The following ADRA1A variants were observed in gnomAD, a reference collection of about 807,000 sequenced individuals.
The protein encoded by ADRA1A is alpha-1A adrenergic receptor.
A neutral mutation model predicts 29.6 loss-of-function variants in ADRA1A; 31 were observed. That is an observed-to-expected ratio of 1.05 (90% CI 0.79 to 1.41). The LOEUF is 1.41. Among genes scored for constraint, ADRA1A ranks in the 40% most tolerant of loss-of-function variants. The pLI, the probability that ADRA1A is intolerant of heterozygous loss-of-function variation, is 0.00. For missense variants in ADRA1A, 619 were observed against 601.1 expected (o/e 1.03, Z -0.31); for synonymous variants, 311 against 254.3 (o/e 1.22, Z -2.12).
exon 3 of ADRA1A, chr8:26,756,470 C>A: frequency 6.8e-7 from 1 of 1,476,204 alleles, no homozygotes; most frequent in South Asian, 1.3e-5. Flanking sequence ...TTGTATGAAA[C>A]TGATTTACAA....
At chr8:26,786,383 C>T (rs115536695) in intron 2 of ADRA1A, among the ~76,000 whole-genome samples, 3,169 of 151,870 alleles carry the variant, frequency 0.021, 103 homozygotes, top group African/African-American at 0.07. Context: ...TACAGGTGCA[C>T]GCTACTATAG....
At chr8:26,802,820 T>C (rs947749605) in intron 2 of ADRA1A, among the ~76,000 whole-genome samples, 3 of 152,144 alleles carry the variant, frequency 2.0e-5, no homozygotes, top group African/African-American at 7.2e-5. Flanking sequence ...TTGAAAGCAA[T>C]CTAAGTATCC....
In ADRA1A at chr8:26,848,511, G is replaced by A. The variant is rs968097360; in HGVS notation, c.883+15576C>T. ...AAGGCAACCATCTGTGACCTAGCAG[G>A]AGAACCCTCACCAAGAGCCTGACAA... is the stretch of plus-strand genomic sequence containing the variant. On this transcript the variant is annotated intron_variant, in intron 2 of 2. Coordinates refer to ENST00000380573, the MANE Select transcript of ADRA1A (RefSeq NM_000680.4). This position sits in a 1 kb window ranked among gnomAD's most constrained non-coding sequence, Gnocchi z 4.3. Among the ~76,000 whole-genome samples the A allele has an allele frequency of 3.3e-5, 5 of 152,154 alleles. No homozygotes were observed. The highest frequency in any genetic ancestry group is 7.3e-5 in the Non-Finnish European group (5 of 68,034).
chr8:26,771,626 T>A (rs1337924884), intron 2 of ADRA1A, among the ~76,000 whole-genome samples: 1 of 152,218 alleles, frequency 6.6e-6, no homozygotes, highest in Non-Finnish European at 1.5e-5. Flanking sequence ...GATTATCTCC[T>A]CCAATTACTC....
chr8:26,762,252 T>C (rs189294186), downstream of ADRA1A, among the ~76,000 whole-genome samples: 430 of 152,256 alleles, frequency 2.8e-3, 8 homozygotes, highest in Admixed American at 0.023. The surrounding 1 kb of genome is among the most constrained non-coding windows in gnomAD (Gnocchi z 4.0). Context: ...AAAATGTGGC[T>C]GCACGTTGTT....
At chr8:26,801,167 T>G (rs191150393) in intron 2 of ADRA1A, among the ~76,000 whole-genome samples, 26 of 152,208 alleles carry the variant, frequency 1.7e-4, no homozygotes, top group Admixed American at 5.2e-4. Flanking sequence ...CCACAGCTAG[T>G]ATTAAACTGA....
intron 2 of ADRA1A, among the ~76,000 whole-genome samples, chr8:26,782,220 C>G (rs987174332): frequency 6.6e-6 from 1 of 152,224 alleles, no homozygotes; most frequent in Non-Finnish European, 1.5e-5. Flanking sequence ...TCCCCAGCCA[C>G]TTGGGTAAAC....
chr8:26,787,355 TTAA>T lies in ADRA1A; in HGVS notation c.884-16692_884-16690del, dbSNP rs1342545210. Among the ~76,000 whole-genome samples the T allele has an allele frequency of 1.3e-5, 2 of 152,152 alleles. No individual in the cohort carries two copies. On this transcript the variant is annotated intron_variant, in intron 2 of 2. Transcript: ENST00000380573. This position sits in a 1 kb window ranked among gnomAD's most constrained non-coding sequence, Gnocchi z 4.2. ...AATACAAAAATAAAATTCTCGAATGTTAATAATTAGGTTTGTTCAGAATAGACA... is the reference window on the plus strand; with the variant it reads ...AATACAAAAATAAAATTCTCGAATGTTAATTAGGTTTGTTCAGAATAGACA...
intron 2 of ADRA1A, among the ~76,000 whole-genome samples, chr8:26,785,649 C>T (rs1479732212): frequency 6.6e-6 from 1 of 152,112 alleles, no homozygotes; most frequent in Non-Finnish European, 1.5e-5. Flanking sequence ...TGAGTATCTG[C>T]AGCTAGCATT....
intron 2 of ADRA1A, among the ~76,000 whole-genome samples, chr8:26,814,321 C>T (rs1011088902): frequency 2.6e-5 from 4 of 152,076 alleles, no homozygotes; most frequent in Non-Finnish European, 5.9e-5. Flanking sequence ...ATAGATTACT[C>T]CAGCTTGAAA....
chr8:26,786,852 A>G (rs1249603456), intron 2 of ADRA1A, among the ~76,000 whole-genome samples: 2 of 151,910 alleles, frequency 1.3e-5, no homozygotes, highest in East Asian at 1.9e-4. Flanking sequence ...TGTTCAACAT[A>G]TCTCCCTATG....
chr8:26,853,064 C>A (rs1812752212), intron 2 of ADRA1A, among the ~76,000 whole-genome samples: 1 of 151,914 alleles, frequency 6.6e-6, no homozygotes, highest in African/African-American at 2.4e-5. Flanking sequence ...TGATGGATAT[C>A]AATAAAGCAA....
intron 2 of ADRA1A, among the ~76,000 whole-genome samples, chr8:26,845,609 G>A (rs1585820635): frequency 6.6e-6 from 1 of 152,214 alleles, no homozygotes; most frequent in South Asian, 2.1e-4. Context: ...CTGAAAACTG[G>A]TACTCAAACA....
chr8:26,779,828 G>A (rs959335157), intron 2 of ADRA1A, among the ~76,000 whole-genome samples: 12 of 152,132 alleles, frequency 7.9e-5, no homozygotes, highest in South Asian at 2.1e-4. Context: ...GCTGCTGGTC[G>A]CGTCAGAACT....
intron 2 of ADRA1A, among the ~76,000 whole-genome samples, chr8:26,850,305 G>C (rs1812534717): frequency 6.6e-6 from 1 of 151,854 alleles, no homozygotes; most frequent in Non-Finnish European, 1.5e-5. Flanking sequence ...AATAATCAAG[G>C]GGACCTCACG....
intron 2 of ADRA1A, among the ~76,000 whole-genome samples, chr8:26,760,753 G>A (rs1805465737): frequency 6.6e-6 from 1 of 152,110 alleles, no homozygotes; most frequent in Admixed American, 6.6e-5. Flanking sequence ...GCTTCCTCAG[G>A]TGCAAATGTC....
At chr8:26,753,450 AT>A (rs3215080), downstream of ADRA1A, among the ~76,000 whole-genome samples, 114,320 of 151,600 alleles carry the variant, frequency 0.75, 43,773 homozygotes, top group East Asian at 0.88. Flanking sequence ...TATACTTTCT[AT>A]TTTTTTTTAA....
intron 2 of ADRA1A, among the ~76,000 whole-genome samples, chr8:26,809,003 CT>C (rs1809192556): frequency 6.6e-6 from 1 of 152,138 alleles, no homozygotes; most frequent in South Asian, 2.1e-4. Flanking sequence ...CTTGCTTTCT[CT>C]TTATTGATGA....
chr8:26,859,101 C>T (rs1383629950), intron 2 of ADRA1A: 1 of 1,289,562 alleles, frequency 7.8e-7, no homozygotes, highest in Non-Finnish European at 1.0e-6. Context: ...GCACACTCAT[C>T]CCTGCCCTGG....
Sources: gnomAD v4.1 joint callset for allele counts (sites outside exome capture counted in the v4.1 genomes callset) on GRCh38, gnomAD v4.1.1 for gene constraint, Gnocchi (gnomAD v3.1) non-coding constraint, MANE v1.5 for transcripts, NCBI Gene and HGNC (gene_info 2026-07-23, HGNC 2026-07-21) for gene names.